The following STK32B variants were observed in gnomAD, a reference collection of about 807,000 sequenced individuals.
STK32B encodes the protein serine/threonine-protein kinase 32B.
Under a neutral mutation model 52.6 loss-of-function variants are expected in STK32B, and 43 were observed. The ratio of observed to expected loss-of-function variants is 0.82; its 90% CI spans 0.64 to 1.05. STK32B has a LOEUF of 1.05. STK32B is among the 50% of genes least tolerant of loss of function. The pLI is 0.00. For missense variants in STK32B, 621 were observed against 534.6 expected (o/e 1.16, Z -1.59); for synonymous variants, 238 against 204.3 (o/e 1.17, Z -1.41).
the STK32B span, among the ~76,000 whole-genome samples, chr4:5,029,362 G>A: frequency 6.6e-6 from 1 of 152,238 alleles, no homozygotes; most frequent in African/African-American, 2.4e-5. Context: ...AAAACAGTAA[G>A]TGTTGCAGGC....
At chr4:5,247,443 G>A (rs1325710851) in intron 3 of STK32B, among the ~76,000 whole-genome samples, 1 of 152,138 alleles carries the variant, frequency 6.6e-6, no homozygotes, top group African/African-American at 2.4e-5. Flanking sequence ...TAGGGTGGGA[G>A]TGACCCGATT....
At chr4:5,186,037 T>G in intron 3 of STK32B, among the ~76,000 whole-genome samples, 1 of 152,224 alleles carries the variant, frequency 6.6e-6, no homozygotes, top group Non-Finnish European at 1.5e-5. Flanking sequence ...CGAGAACTCC[T>G]GCTCATCCTC....
upstream of STK32B, among the ~76,000 whole-genome samples, chr4:5,048,504 C>G (rs1741659469): frequency 6.6e-6 from 1 of 152,188 alleles, no homozygotes; most frequent in Non-Finnish European, 1.5e-5. Flanking sequence ...ACCGTGTTGG[C>G]TAAGCTGGTC....
intron 3 of STK32B, among the ~76,000 whole-genome samples, chr4:5,210,017 A>G (rs546075482): frequency 6.6e-6 from 1 of 152,346 alleles, no homozygotes; most frequent in East Asian, 1.9e-4. Context: ...TGGATGTAAC[A>G]GCACAATTCC....
intron 3 of STK32B, among the ~76,000 whole-genome samples, chr4:5,189,045 T>G (rs1345086333): frequency 2.0e-5 from 3 of 151,080 alleles, no homozygotes; most frequent in Admixed American, 6.6e-5. Flanking sequence ...GATGTAAAAG[T>G]TCACAGCAAA....
intron 6 of STK32B, among the ~76,000 whole-genome samples, chr4:5,441,712 A>G (rs1714781403): frequency 6.7e-6 from 1 of 150,236 alleles, no homozygotes; most frequent in Non-Finnish European, 1.5e-5. Context: ...TCAATTTTGG[A>G]TCTTTCCTGC....
At chr4:5,459,938 G>A (rs1196378623) in intron 8 of STK32B, among the ~76,000 whole-genome samples, 165 bp from the exon 9 acceptor site, 10 of 152,196 alleles carry the variant, frequency 6.6e-5, no homozygotes, top group Non-Finnish European at 1.5e-4. Context: ...ATAAAGAGAT[G>A]AGTGCAGATG....
At chr4:5,329,134 G>A (rs979473527) in intron 3 of STK32B, among the ~76,000 whole-genome samples, 1 of 152,130 alleles carries the variant, frequency 6.6e-6, no homozygotes, top group Non-Finnish European at 1.5e-5. Context: ...GCCTAGAAAG[G>A]CAGAAGGGCC....
At chr4:5,490,200 G>T (rs561875652) in intron 11 of STK32B, among the ~76,000 whole-genome samples, 1 of 151,574 alleles carries the variant, frequency 6.6e-6, no homozygotes, top group Non-Finnish European at 1.5e-5. Context: ...TCTACCTCCC[G>T]GGTTCAAGCA....
intron 6 of STK32B, among the ~76,000 whole-genome samples, chr4:5,437,647 C>G (rs1714209651): frequency 6.6e-6 from 1 of 152,192 alleles, no homozygotes; most frequent in African/African-American, 2.4e-5. Flanking sequence ...TGATTCGGCC[C>G]ACTACATCTC....
In STK32B at chr4:5,470,233, C is replaced by T. The variant is rs140820664; in HGVS notation, c.1106+2163C>T. Reference sequence around the variant, plus strand: ...AGCCGAGTAGATGTTTTCTTCCTCACGTGTAAATGGGAATTGATGAGGGAA... The same window carrying T: ...AGCCGAGTAGATGTTTTCTTCCTCATGTGTAAATGGGAATTGATGAGGGAA... On this transcript the variant is annotated intron_variant, in intron 11 of 11. Coordinates refer to ENST00000282908, the MANE Select transcript of STK32B (RefSeq NM_018401.3). This position sits in a 1 kb window ranked among gnomAD's most constrained non-coding sequence, Gnocchi z 4.6. Among the ~76,000 whole-genome samples, 7 of 152,268 alleles carry T rather than the reference C, an allele frequency of 4.6e-5. No homozygotes were observed. Among genetic ancestry groups the T allele is most frequent in the African/African-American group, 1.4e-4 (6 of 41,550 alleles).
intron 3 of STK32B, among the ~76,000 whole-genome samples, chr4:5,271,045 C>A (rs535093905): frequency 1.4e-5 from 2 of 147,880 alleles, no homozygotes; most frequent in East Asian, 4.5e-4. Context: ...TCAAGCAATT[C>A]TCCTGCCTCA....
intron 3 of STK32B, among the ~76,000 whole-genome samples, chr4:5,256,046 G>A (rs1299095676): frequency 3.3e-5 from 5 of 152,142 alleles, no homozygotes; most frequent in Admixed American, 3.3e-4. Flanking sequence ...GGTTACTTTG[G>A]TTGTCTAATA....
rs577437358 is a variant in STK32B at position 5,105,708 on chromosome 4, C to T, written c.53-34197C>T. On this transcript the variant is annotated intron_variant, in intron 1 of 11. Coordinates refer to ENST00000282908, the MANE Select transcript of STK32B (RefSeq NM_018401.3). ...CCTCCCGAGCAGCTGGGACCACAGG[C>T]GCCCGCCACCACGCCTGGCTAATTT... 2.9e-4 allele frequency among the ~76,000 whole-genome samples: 44 copies of T among 151,974 alleles called. No homozygotes were observed. The East Asian group carries it at 7.7e-3, about 27-fold the overall frequency.
intron 7 of STK32B, among the ~76,000 whole-genome samples, chr4:5,448,481 C>T (rs1401338333): frequency 6.6e-6 from 1 of 152,234 alleles, no homozygotes; most frequent in African/African-American, 2.4e-5. Context: ...CCTTGGCGAG[C>T]ATTTGCCCTA....
chr4:5,122,371 C>CACTCATTT lies in STK32B; in HGVS notation c.53-17527_53-17526insTACTCATT, dbSNP rs1715089897. ...TGATTCATGCACTTGTTCACTCATT[C>CACTCATTT]ACTCATTCATTCACTCACTCATTCA... On this transcript the variant is annotated intron_variant, in intron 1 of 11. Coordinates refer to ENST00000282908, the MANE Select transcript of STK32B (RefSeq NM_018401.3). Among the ~76,000 whole-genome samples the CACTCATTT allele has an allele frequency of 8.0e-5, 3 of 37,602 alleles. No homozygotes were observed. In the Admixed American group the frequency reaches 1.4e-3, roughly 17 times the overall value. The allele number at this position is 37,602 out of a possible 152,430, so 24.7% of individuals were successfully genotyped here.
chr4:5,237,661 A>G (rs1236770960), intron 3 of STK32B, among the ~76,000 whole-genome samples: 1 of 152,210 alleles, frequency 6.6e-6, no homozygotes, highest in African/African-American at 2.4e-5. Flanking sequence ...AGAATGGATC[A>G]TTGCAAGGTG....
intron 3 of STK32B, among the ~76,000 whole-genome samples, chr4:5,174,806 CT>C (rs766341957): frequency 2.0e-5 from 3 of 152,076 alleles, no homozygotes; most frequent in Non-Finnish European, 4.4e-5. Context: ...CGAGGAGTAT[CT>C]TTTTGGCATT....
intron 3 of STK32B, among the ~76,000 whole-genome samples, chr4:5,208,800 C>T (rs1352317751): frequency 1.3e-5 from 2 of 152,176 alleles, no homozygotes; most frequent in South Asian, 4.1e-4. Flanking sequence ...TTGGGTAAAT[C>T]CATTCTGGCT....
Sources: gnomAD v4.1 joint callset for allele counts (sites outside exome capture counted in the v4.1 genomes callset) on GRCh38, gnomAD v4.1.1 for gene constraint, Gnocchi (gnomAD v3.1) non-coding constraint, MANE v1.5 for transcripts, NCBI Gene and HGNC (gene_info 2026-07-23, HGNC 2026-07-21) for gene names.